FMR1NB: variants seen among roughly 807,000 people sequenced by gnomAD.
FMR1NB encodes FMR1 neighbor protein.
FMR1NB carries 10 observed loss-of-function variants against 16.8 expected under a neutral mutation model. That is an observed-to-expected ratio of 0.60 (90% CI 0.37 to 1.01). FMR1NB has a LOEUF of 1.01. Ranked by LOEUF, FMR1NB falls within the 50% of genes least tolerant of loss-of-function variation. FMR1NB has a pLI of 0.01. For synonymous variants in FMR1NB, 83 were observed against 79.1 expected, an observed-to-expected ratio of 1.05 and a Z score of -0.26; for missense variants, 205 against 204.8, an observed-to-expected ratio of 1.00 and a Z score of 0.00.
chrX:147,995,903 G>A (rs12006703), intron 1 of FMR1NB, among the ~76,000 whole-genome samples: 16,337 of 111,271 alleles, frequency 0.15, 1,624 homozygotes, highest in African/African-American at 0.37. Flanking sequence ...AGGTTGCCCT[G>A]ATTGTTCACA....
chrX:148,002,054 T>C (rs1195052647), intron 1 of FMR1NB, among the ~76,000 whole-genome samples: 1 of 111,360 alleles, frequency 9.0e-6, no homozygotes, highest in African/African-American at 3.3e-5. Flanking sequence ...TATTAGAGTA[T>C]AGAATGCCTT....
chrX:148,009,516 T>G (rs1193069800), intron 4 of FMR1NB, among the ~76,000 whole-genome samples: 22 of 109,144 alleles, frequency 2.0e-4, no homozygotes, highest in African/African-American at 7.3e-4. Flanking sequence ...TTCCAAGCTT[T>G]TTTTTTTTTT....
intron 2 of FMR1NB, 80 bp downstream of exon 2, chrX:148,003,400 G>A (rs2044580862): frequency 9.4e-7 from 1 of 1,068,693 alleles, no homozygotes; most frequent in South Asian, 2.1e-5. Flanking sequence ...AAGCAGTGTG[G>A]TGTAATGGCA....
intron 1 of FMR1NB, among the ~76,000 whole-genome samples, chrX:147,990,052 A>C (rs1049204857): frequency 1.8e-5 from 2 of 109,892 alleles, no homozygotes; most frequent in Non-Finnish European, 3.8e-5. Flanking sequence ...AAAAAAAAAA[A>C]AAACAAAAGC....
intron 4 of FMR1NB, among the ~76,000 whole-genome samples, chrX:148,023,969 T>G: frequency 9.0e-6 from 1 of 111,467 alleles, no homozygotes; most frequent in Non-Finnish European, 1.9e-5. Context: ...TCTTGGTGCC[T>G]CAGTTTCCCC....
chrX:148,000,734 A>G (rs1557188592), intron 1 of FMR1NB, among the ~76,000 whole-genome samples: 1 of 111,823 alleles, frequency 8.9e-6, no homozygotes. Context: ...TCCTTAATTT[A>G]ATAAAGGGTA....
chrX:148,006,469 A>G (rs1362442045), intron 2 of FMR1NB, among the ~76,000 whole-genome samples: 1 of 112,363 alleles, frequency 8.9e-6, no homozygotes, highest in Non-Finnish European at 1.9e-5. Context: ...TATCTTACCA[A>G]AGATTTTTTA....
At chrX:147,988,596 G>A (rs1174024976) in intron 1 of FMR1NB, among the ~76,000 whole-genome samples, 1 of 111,698 alleles carries the variant, frequency 9.0e-6, no homozygotes, top group Non-Finnish European at 1.9e-5. Context: ...ATCCTGAAGT[G>A]TGTTTTCCAA....
chrX:147,988,692 CT>C (rs1557187321), intron 1 of FMR1NB, among the ~76,000 whole-genome samples: 1 of 111,569 alleles, frequency 9.0e-6, no homozygotes. Context: ...TTCTTGGAGG[CT>C]TTTTTCATTC....
intron 1 of FMR1NB, 84 bp downstream of exon 1, chrX:147,981,763 G>A (rs1028827560): frequency 2.0e-6 from 2 of 1,006,156 alleles, no homozygotes; most frequent in Non-Finnish European, 1.3e-6. Flanking sequence ...GCAACACACC[G>A]GCACCAACCA....
chrX:147,988,203 T>A (rs1557187274), intron 1 of FMR1NB, among the ~76,000 whole-genome samples: 1 of 111,772 alleles, frequency 8.9e-6, no homozygotes, highest in African/African-American at 3.3e-5. Context: ...AAGGCAGGCC[T>A]GGTGGTGACA....
Position 147,985,894 on chromosome X carries a change from A to G in FMR1NB, c.277+4215A>G, listed in dbSNP as rs1325739561. Among the ~76,000 whole-genome samples the G allele has an allele frequency of 9.8e-5, 11 of 111,968 alleles. No individual in the cohort carries two copies. In the East Asian group the frequency reaches 3.1e-3, roughly 32 times the overall value. On this transcript the variant is annotated intron_variant, in intron 1 of 5. Coordinates refer to ENST00000370467, the MANE Select transcript of FMR1NB (RefSeq NM_152578.3). ...TTCTAGATCCTTGAGGAATTGCCACACTGTCTTCCACAATGGTTGAACTAA... is the reference window on the plus strand; with the variant it reads ...TTCTAGATCCTTGAGGAATTGCCACGCTGTCTTCCACAATGGTTGAACTAA...
chrX:147,990,036 TAA>T (rs2124612385), intron 1 of FMR1NB, among the ~76,000 whole-genome samples: 1 of 63,112 alleles, frequency 1.6e-5, no homozygotes, highest in African/African-American at 7.7e-5. Context: ...GCCACTGGGC[TAA>T]GAAAAAAAAA....
intron 4 of FMR1NB, among the ~76,000 whole-genome samples, chrX:148,010,773 T>G (rs782207857): frequency 1.8e-5 from 2 of 111,337 alleles, no homozygotes; most frequent in East Asian, 5.7e-4. Flanking sequence ...GACCTTTTTT[T>G]GCTCTTTCAT....
intron 1 of FMR1NB, among the ~76,000 whole-genome samples, chrX:147,996,374 C>A (rs1348822806): frequency 1.8e-5 from 2 of 111,597 alleles, no homozygotes; most frequent in Admixed American, 9.6e-5. Flanking sequence ...AGTTTACTGA[C>A]ATGCTCAAGT....
In FMR1NB at chrX:148,021,339, A is replaced by G. The variant is rs782251076; in HGVS notation, c.633-3526A>G. On this transcript the variant is annotated intron_variant, in intron 4 of 5. Transcript: ENST00000370467. ...TCTCTTCAGTACTTCTTTCAGCTGTATGAAGTTAAAAGCAAGTACTCTGAG... is the reference window on the plus strand; with the variant it reads ...TCTCTTCAGTACTTCTTTCAGCTGTGTGAAGTTAAAAGCAAGTACTCTGAG... Among the ~76,000 whole-genome samples the G allele has an allele frequency of 7.3e-5, 8 of 109,323 alleles. No homozygotes were observed. In the East Asian group the frequency reaches 2.3e-3, roughly 31 times the overall value. 94.9% of individuals were successfully genotyped at this position (109,323 alleles called of 115,157 possible). A position where few individuals can be genotyped will look rare whatever the true frequency, so the allele number is the denominator to read the frequency against.
chrX:147,982,440 T>A (rs1321080399), intron 1 of FMR1NB, among the ~76,000 whole-genome samples: 1 of 107,334 alleles, frequency 9.3e-6, no homozygotes, highest in African/African-American at 3.4e-5. Flanking sequence ...TACAAAAAAA[T>A]TAGCTGGGCG....
At chrX:148,017,182 A>G (rs140961879) in intron 4 of FMR1NB, among the ~76,000 whole-genome samples, 139 of 110,802 alleles carry the variant, frequency 1.3e-3, no homozygotes, top group Middle Eastern at 4.6e-3. Context: ...CACCTTATAT[A>G]TATCATGCTA....
chrX:148,008,841 C>A, intron 4 of FMR1NB, 130 bp downstream of exon 4: 1 of 568,805 alleles, frequency 1.8e-6, no homozygotes, highest in Non-Finnish European at 2.7e-6. Context: ...AATATGGTAG[C>A]TTGGGAAAGA....
Sources: gnomAD v4.1 joint callset for allele counts (sites outside exome capture counted in the v4.1 genomes callset) on GRCh38, gnomAD v4.1.1 for gene constraint, MANE v1.5 for transcripts, NCBI Gene and HGNC (gene_info 2026-07-23, HGNC 2026-07-21) for gene names.